The following BMP8B variants were observed in gnomAD, a reference collection of about 807,000 sequenced individuals.
BMP8B encodes bone morphogenetic protein 8b.
Under a neutral mutation model 30.3 loss-of-function variants are expected in BMP8B, and 17 were observed. The ratio of observed to expected loss-of-function variants is 0.56; its 90% CI spans 0.38 to 0.84. The LOEUF is 0.84. Among genes scored for constraint, BMP8B ranks in the 40% least tolerant of loss-of-function variants. BMP8B has a pLI of 0.00. For synonymous variants in BMP8B, 131 were observed against 214.7 expected (o/e 0.61, Z 3.41); for missense variants, 253 against 494.6 (o/e 0.51, Z 4.63).
At chr1:39,763,892 A>G in intron 4 of BMP8B, 101 bp from the exon 5 acceptor site, 1 of 1,305,136 alleles carries the variant, frequency 7.7e-7, no homozygotes, top group South Asian at 1.4e-5. Flanking sequence ...ACATTTGTCA[A>G]ATAAATGAAT....
intron 3 of BMP8B, among the ~76,000 whole-genome samples, chr1:39,765,755 AC>A (rs539612959): frequency 5.3e-3 from 699 of 131,614 alleles, no homozygotes; most frequent in African/African-American, 0.02. Flanking sequence ...AAGTAAAGAA[AC>A]TTTTGAGGCC....
intron 6 of BMP8B, 32 bp from the exon 7 acceptor site, chr1:39,760,600 G>C (rs767351961): frequency 6.2e-7 from 1 of 1,605,320 alleles, no homozygotes; most frequent in Non-Finnish European, 8.5e-7. Context: ...GCAGGGGCAT[G>C]AGCCCAGTGG....
At position 39,781,012 on chromosome 1, in the gene BMP8B, G is replaced by A. The variant is rs1161139775; in HGVS notation, c.335-5974C>T. ...TCACACCCATGTTTGCCAGGTGGGT[G>A]AATGGACATTTCTTCCATTTGGGGA... On this transcript the variant is annotated intron_variant, in intron 1 of 6. Coordinates refer to ENST00000372827, the MANE Select transcript of BMP8B (RefSeq NM_001720.5). Among the ~76,000 whole-genome samples the A allele has an allele frequency of 3.3e-5, 5 of 152,230 alleles. No homozygotes were observed. The East Asian group carries it at 9.6e-4, about 29-fold the overall frequency.
At chr1:39,762,586 TG>T (rs755183076) in intron 6 of BMP8B, 133 of 1,544,854 alleles carry the variant, frequency 8.6e-5, no homozygotes, top group Non-Finnish European at 1.1e-4. Context: ...AGAGAGAAAC[TG>T]GGGGAAAAGC....
intron 3 of BMP8B, among the ~76,000 whole-genome samples, chr1:39,765,947 A>G (rs953254535): frequency 2.7e-5 from 4 of 146,884 alleles, no homozygotes; most frequent in African/African-American, 1.0e-4. Context: ...AGGTGGGAGG[A>G]CTGCTTGAGC....
chr1:39,782,860 C>G (rs138427651), intron 1 of BMP8B, among the ~76,000 whole-genome samples: 3 of 152,278 alleles, frequency 2.0e-5, no homozygotes, highest in African/African-American at 7.2e-5. Flanking sequence ...GAGTCTTGCT[C>G]TGTCTCCCAG....
chr1:39,779,602 A>C (rs1042619297), intron 1 of BMP8B, among the ~76,000 whole-genome samples: 1 of 152,240 alleles, frequency 6.6e-6, no homozygotes, highest in Non-Finnish European at 1.5e-5. Flanking sequence ...AGAAGGAGGC[A>C]GAGAAAACTT....
chr1:39,784,416 AT>A (rs1245638354), intron 1 of BMP8B, among the ~76,000 whole-genome samples: 4 of 144,138 alleles, frequency 2.8e-5, no homozygotes, highest in African/African-American at 7.7e-5. Context: ...CTGTCCTGCC[AT>A]TGTTCAGCCC....
chr1:39,777,320 T>C (rs1001523616), intron 1 of BMP8B, among the ~76,000 whole-genome samples: 8 of 152,236 alleles, frequency 5.3e-5, no homozygotes, highest in Non-Finnish European at 7.3e-5. Flanking sequence ...AGCTTCTGTC[T>C]GGGGAAGCAG....
At position 39,760,254 on chromosome 1, in the gene BMP8B, G is replaced by A; in HGVS notation, c.*165C>T. 2 of 1,164,304 alleles carry A rather than the reference G, an allele frequency of 1.7e-6. No individual in the cohort carries two copies. The highest frequency in any genetic ancestry group is 2.4e-6 in the Non-Finnish European group (2 of 846,032). The allele number at this position is 1,164,304 out of a possible 1,614,324, so 72.1% of individuals were successfully genotyped here. A position where few individuals can be genotyped will look rare whatever the true frequency, so the allele number is the denominator to read the frequency against. On this transcript the variant is annotated 3_prime_UTR_variant, in exon 7 of 7. Coordinates refer to ENST00000372827, the MANE Select transcript of BMP8B (RefSeq NM_001720.5). ...ACACAAATGCCTGGCAGGGCAAGGG[G>A]AGCATAGGAGCCTGGCATGAAGGAG...
Position 39,788,361 on chromosome 1 carries a change from C to T in BMP8B, c.125G>A (p.Arg42Gln). The T allele has an allele frequency of 7.0e-6, 8 of 1,146,098 alleles. No individual in the cohort carries two copies. The highest frequency in any genetic ancestry group is 1.6e-5 in the African/African-American group (1 of 60,798). The allele number at this position is 1,146,098 out of a possible 1,614,324, so 71.0% of individuals were successfully genotyped here. A position where few individuals can be genotyped will look rare whatever the true frequency, so the allele number is the denominator to read the frequency against. ...CGCCAGGATCTCGCGCTGCACGTCC[C>T]GGCGCTCGCGCGCGCCCAGACGTCG... ...PQRRLGARER[R>Q]DVQREILAVL... Residue 42 changes from arginine to glutamine, a missense_variant, in exon 1 of 7, where the codon CGG becomes CAG. Around this residue, in one of 7 missense-constraint regions of BMP8B, gnomAD observed 54 missense variants for 70.8 expected, o/e 0.76. Transcript: ENST00000372827. The surrounding 1 kb of genome is among the most constrained non-coding windows in gnomAD (Gnocchi z 5.8).
chr1:39,768,405 G>A lies in BMP8B; in HGVS notation c.674-3588C>T, dbSNP rs1489348247. ...CCCCTCTCAGTCTCTCCCATCACCC[G>A]GTCCCTTCCCTTGGAGATGGTCCTG... On this transcript the variant is annotated intron_variant, in intron 3 of 6. Coordinates refer to ENST00000372827, the MANE Select transcript of BMP8B (RefSeq NM_001720.5). Among the ~76,000 whole-genome samples the A allele has an allele frequency of 8.7e-5, 12 of 137,244 alleles. No individual in the cohort carries two copies. In the East Asian group the frequency reaches 1.5e-3, roughly 17 times the overall value. The allele number at this position is 137,244 out of a possible 152,430, so 90.0% of individuals were successfully genotyped here.
intron 1 of BMP8B, among the ~76,000 whole-genome samples, chr1:39,778,534 A>T (rs146873492): frequency 1.3e-5 from 2 of 149,068 alleles, no homozygotes; most frequent in Non-Finnish European, 3.0e-5. Flanking sequence ...CCTCAAGGCG[A>T]GCCCAGGGCT....
intron 1 of BMP8B, among the ~76,000 whole-genome samples, chr1:39,780,728 T>C (rs984398955): frequency 6.6e-6 from 1 of 152,134 alleles, no homozygotes; most frequent in South Asian, 2.1e-4. Flanking sequence ...CTCGTCTCTA[T>C]AAAAAAATGT....
At chr1:39,787,657 C>T (rs1420109336) in intron 1 of BMP8B, among the ~76,000 whole-genome samples, 15 of 152,142 alleles carry the variant, frequency 9.9e-5, no homozygotes, top group Non-Finnish European at 1.6e-4. Flanking sequence ...CCCTGACAGC[C>T]GCACCCCACC....
At chr1:39,778,657 C>G (rs140732492) in intron 1 of BMP8B, among the ~76,000 whole-genome samples, 3,927 of 152,282 alleles carry the variant, frequency 0.026, 102 homozygotes, top group East Asian at 0.12. Flanking sequence ...GTTCTGGACC[C>G]CAAATTAAAA....
At chr1:39,761,891 CTGTT>C (rs371661655) in intron 6 of BMP8B, among the ~76,000 whole-genome samples, 7 of 152,380 alleles carry the variant, frequency 4.6e-5, no homozygotes, top group South Asian at 4.1e-4. Context: ...CAGCGCCTGT[CTGTT>C]TGCTGCCCAG....
At chr1:39,784,282 G>A (rs1200035596) in intron 1 of BMP8B, among the ~76,000 whole-genome samples, 1 of 151,888 alleles carries the variant, frequency 6.6e-6, no homozygotes, top group South Asian at 2.1e-4. Flanking sequence ...TTTTACAGAG[G>A]AGGAAACTGA....
Position 39,788,512 on chromosome 1 carries a change from C to G in BMP8B, c.-27G>C. On this transcript the variant is annotated 5_prime_UTR_variant, in exon 1 of 7. Coordinates refer to ENST00000372827, the MANE Select transcript of BMP8B (RefSeq NM_001720.5). This position sits in a 1 kb window ranked among gnomAD's most constrained non-coding sequence, Gnocchi z 5.8. The stretch of plus-strand genomic sequence containing the variant: ...GCAGGCCGGGGGCGCTCAGCTGGGG[C>G]GCTCAGCGGGCGCGCATCGGCTCCG... The G allele has an allele frequency of 2.0e-6, 2 of 1,006,032 alleles. No homozygotes were observed. 62.3% of individuals were successfully genotyped at this position (1,006,032 alleles called of 1,614,324 possible).
Sources: allele counts gnomAD v4.1 joint callset (sites outside exome capture counted in the v4.1 genomes callset), GRCh38; gene constraint gnomAD v4.1.1; regional missense constraint gnomAD v4.1.1; non-coding constraint Gnocchi (gnomAD v3.1); transcripts MANE v1.5; gene names NCBI Gene and HGNC (gene_info 2026-07-23, HGNC 2026-07-21).